Variants in FBXO11 observed in about 807,000 individuals in gnomAD.
FBXO11 encodes the protein F-box protein 11, also known as F-box only protein 11.
Under a neutral mutation model 117.0 loss-of-function variants are expected in FBXO11, and 13 were observed. That is an observed-to-expected ratio of 0.11 (90% CI 0.07 to 0.18). The LOEUF is 0.18. Among genes scored for constraint, FBXO11 ranks in the 10% least tolerant of loss-of-function variants. The pLI is 1.00. For missense variants in FBXO11, 767 were observed against 1,164.4 expected (o/e 0.66, Z 4.97); for synonymous variants, 490 against 380.5 (o/e 1.29, Z -3.35).
chr2:47,809,539 C>T, intron 20 of FBXO11, 61 bp downstream of exon 20: 3 of 1,237,348 alleles, frequency 2.4e-6, no homozygotes, highest in Non-Finnish European at 3.5e-6. Flanking sequence ...TATAAAACGG[C>T]TTCTGATTAT....
intron 1 of FBXO11, among the ~76,000 whole-genome samples, chr2:47,859,543 C>T (rs186742008): frequency 1.3e-5 from 2 of 152,304 alleles, no homozygotes; most frequent in East Asian, 3.9e-4. Flanking sequence ...GAGTATATTT[C>T]CATAAATGGA....
At chr2:47,877,443 CTT>C (rs1268370157) in intron 1 of FBXO11, among the ~76,000 whole-genome samples, 7 of 152,106 alleles carry the variant, frequency 4.6e-5, no homozygotes, top group Admixed American at 4.6e-4. Flanking sequence ...AGCAACAAAA[CTT>C]AGGAGATATT....
At chr2:47,902,582 T>C (rs535859396) in intron 1 of FBXO11, among the ~76,000 whole-genome samples, 2 of 152,070 alleles carry the variant, frequency 1.3e-5, no homozygotes, top group Admixed American at 6.5e-5. Flanking sequence ...CACACACACA[T>C]ACACATACAC....
chr2:47,891,620 C>A (rs1677264241), intron 1 of FBXO11, among the ~76,000 whole-genome samples: 1 of 152,130 alleles, frequency 6.6e-6, no homozygotes, highest in African/African-American at 2.4e-5. Flanking sequence ...GATTTCATTT[C>A]TTTTGAATAA....
At chr2:47,814,670 CA>C (rs529330274) in intron 16 of FBXO11, among the ~76,000 whole-genome samples, 91 of 152,248 alleles carry the variant, frequency 6.0e-4, no homozygotes, top group Non-Finnish European at 1.0e-3. Flanking sequence ...TGATCTACTG[CA>C]CCTGACCAAC....
At chr2:47,904,610 ACACACACAC>A (rs760211410) in intron 1 of FBXO11, among the ~76,000 whole-genome samples, 1 of 138,828 alleles carries the variant, frequency 7.2e-6, no homozygotes, top group Non-Finnish European at 1.7e-5. Flanking sequence ...ACACACACAC[ACACACACAC>A]ACAAAATATC....
In FBXO11 at chr2:47,853,533, C is replaced by G. The variant is rs529288399; in HGVS notation, c.233-13764G>C. On this transcript the variant is annotated intron_variant, in intron 1 of 22. Transcript: ENST00000403359. ...ATGTGGAGACAGTATAGCACAATGA[C>G]TAAGGATACAAGCTCAAAAAAAACT... is the stretch of plus-strand genomic sequence containing the variant. 1.1e-3 allele frequency among the ~76,000 whole-genome samples: 165 copies of G among 152,030 alleles called. 1 individual carries two copies. Among genetic ancestry groups the G allele is most frequent in the African/African-American group, 3.8e-3 (159 of 41,390 alleles).
At chr2:47,846,786 AT>A (rs1673448751) in intron 1 of FBXO11, among the ~76,000 whole-genome samples, 1 of 152,118 alleles carries the variant, frequency 6.6e-6, no homozygotes, top group Non-Finnish European at 1.5e-5. Context: ...GATAATTTAC[AT>A]TTTTTTCATA....
rs1446077768 is a variant in FBXO11, at chr2:47,807,074, T to G, written c.*1044A>C. On this transcript the variant is annotated 3_prime_UTR_variant, in exon 23 of 23. Transcript: ENST00000403359. ...TAGATGTTATGGTACATGCATACAC[T>G]TTCAGGCTGTTTTATACCCACTGTC... 1.8e-6 allele frequency: 1 copy of G among 550,764 alleles called. No homozygotes were observed. The highest frequency in any genetic ancestry group is 2.2e-5 in the South Asian group (1 of 44,928). 34.1% of individuals were successfully genotyped at this position (550,764 alleles called of 1,614,324 possible).
At chr2:47,867,954 A>G (rs1446333102) in intron 1 of FBXO11, among the ~76,000 whole-genome samples, 1 of 152,090 alleles carries the variant, frequency 6.6e-6, no homozygotes, top group Non-Finnish European at 1.5e-5. Flanking sequence ...ATATGGGCCA[A>G]ACAGTTAGCA....
chr2:47,823,771 A>C (rs1352865522), intron 11 of FBXO11, among the ~76,000 whole-genome samples: 2 of 152,148 alleles, frequency 1.3e-5, no homozygotes, highest in Non-Finnish European at 2.9e-5. Flanking sequence ...ATTAAAAAAA[A>C]AGTTTAAGAA....
intron 18 of FBXO11, among the ~76,000 whole-genome samples, chr2:47,812,061 T>G (rs183674575): frequency 1.3e-5 from 2 of 151,536 alleles, no homozygotes; most frequent in African/African-American, 4.8e-5. Context: ...CCACTACACC[T>G]CAAGTGCTAT....
chr2:47,822,519 T>TAA (rs1346938811), intron 12 of FBXO11, among the ~76,000 whole-genome samples: 1 of 152,200 alleles, frequency 6.6e-6, no homozygotes. Context: ...TCAAAACAGC[T>TAA]AATACATTCA....
At chr2:47,867,596 T>C (rs559470050) in intron 1 of FBXO11, among the ~76,000 whole-genome samples, 2 of 152,216 alleles carry the variant, frequency 1.3e-5, no homozygotes, top group African/African-American at 2.4e-5. Flanking sequence ...TTTAGTGATA[T>C]AGATTTGAGA....
chr2:47,868,113 G>T (rs957458235), intron 1 of FBXO11, among the ~76,000 whole-genome samples: 7 of 152,056 alleles, frequency 4.6e-5, no homozygotes, highest in Admixed American at 2.0e-4. Context: ...TGCCATGTCA[G>T]AATTCAAGCC....
At position 47,905,586 on chromosome 2, in the gene FBXO11, A is replaced by G. The variant is rs1678738063; in HGVS notation, c.135T>C (p.Pro45=). Residue 45 remains proline, a synonymous_variant, in exon 1 of 23, where the codon CCT becomes CCC. Coordinates refer to ENST00000403359, the MANE Select transcript of FBXO11 (RefSeq NM_001190274.2). The part of the protein sequence containing the change: ...PPQQQPPQQQ[P]PPPPQQQQQQ... ...GCTGCTGCTGCTGCGGCGGCGGCGG[A>G]GGCTGCTGCTGGGGCGGCTGCTGCT... is the stretch of plus-strand genomic sequence containing the variant. 8.0e-7 allele frequency: 1 copy of G among 1,250,004 alleles called. No homozygotes were observed. Among genetic ancestry groups the G allele is most frequent in the Non-Finnish European group, 1.0e-6 (1 of 998,954 alleles). 77.4% of individuals were successfully genotyped at this position (1,250,004 alleles called of 1,614,324 possible).
intron 1 of FBXO11, among the ~76,000 whole-genome samples, chr2:47,875,237 A>C (rs764662553): frequency 6.6e-6 from 1 of 152,182 alleles, no homozygotes; most frequent in Non-Finnish European, 1.5e-5. Context: ...TGTGATGAGG[A>C]ATGGAATTTT....
intron 1 of FBXO11, among the ~76,000 whole-genome samples, chr2:47,861,639 T>C (rs1319437828): frequency 2.0e-5 from 3 of 152,248 alleles, no homozygotes; most frequent in African/African-American, 4.8e-5. Flanking sequence ...GGTGACTCCA[T>C]ACCCTAGGAT....
intron 1 of FBXO11, among the ~76,000 whole-genome samples, chr2:47,851,896 A>C (rs1444859747): frequency 6.6e-6 from 1 of 152,252 alleles, no homozygotes. Flanking sequence ...TTCACACAAG[A>C]AACAACTTTT....
Sources: allele counts gnomAD v4.1 joint callset (sites outside exome capture counted in the v4.1 genomes callset), GRCh38; gene constraint gnomAD v4.1.1; transcripts MANE v1.5; gene names NCBI Gene and HGNC (gene_info 2026-07-23, HGNC 2026-07-21).